Variants in BAZ2A observed in about 807,000 individuals in gnomAD.
BAZ2A encodes the protein bromodomain adjacent to zinc finger domain 2A.
In BAZ2A, 34 loss-of-function variants were observed where a neutral mutation model predicts 199.9. The ratio of observed to expected loss-of-function variants is 0.17; its 90% CI spans 0.13 to 0.23. The LOEUF (loss-of-function observed/expected upper bound fraction) is 0.23. Ranked by LOEUF, BAZ2A falls within the 10% of genes least tolerant of loss-of-function variation. BAZ2A has a pLI of 1.00. For synonymous variants in BAZ2A, 857 were observed against 883.9 expected, an observed-to-expected ratio of 0.97 and a Z score of 0.54; for missense variants, 2,002 against 2,391.1, an observed-to-expected ratio of 0.84 and a Z score of 3.39.
In BAZ2A at chr12:56,610,347, T is replaced by G. The variant is rs1400345453; in HGVS notation, c.1779+62A>C. 1.9e-6 allele frequency: 3 copies of G among 1,587,954 alleles called. No individual in the cohort carries two copies. In the African/African-American group the frequency reaches 4.0e-5, roughly 21 times the overall value. ...GTCACTGAGCCCAAGAACGGAGTCT[T>G]GGGCAGTGGAAAGGAGTCCACTGAG... On this transcript the variant is annotated intron_variant, in intron 8 of 28. Transcript: ENST00000549884.
chr12:56,634,728 G>C (rs1951404721), upstream of BAZ2A, among the ~76,000 whole-genome samples: 1 of 152,184 alleles, frequency 6.6e-6, no homozygotes, highest in South Asian at 2.1e-4. Flanking sequence ...AGGTACTCGG[G>C]AGACGATGGC....
rs1233879225 is a variant in BAZ2A at position 56,601,973 on chromosome 12, G to C, written c.3644C>G (p.Pro1215Arg). ...SPVRGQDSEQPQAQLQPEAQL... is the reference protein window; with the variant it reads ...SPVRGQDSEQRQAQLQPEAQL... Reference sequence around the variant, plus strand: ...AGCCTCAGGCTGAAGCTGGGCCTGGGGCTGTTCTGAATCCTGACCCCTGAC... The same window carrying C: ...AGCCTCAGGCTGAAGCTGGGCCTGGCGCTGTTCTGAATCCTGACCCCTGAC... Residue 1215 changes from proline to arginine, a missense_variant, in exon 20 of 29, where the codon CCC becomes CGC. Physicochemically the swap from Pro to Arg is moderately radical, Grantham distance 103. Around this residue, in one of 6 missense-constraint regions of BAZ2A, gnomAD observed 1,081 missense variants for 1,274.7 expected, o/e 0.85. Transcript: ENST00000549884. 1.3e-6 allele frequency: 2 copies of C among 1,559,470 alleles called. No homozygotes were observed. The highest frequency in any genetic ancestry group is 3.9e-5 in the Admixed American group (2 of 51,262).
intron 19 of BAZ2A, 136 bp from the exon 20 acceptor site, chr12:56,602,328 T>G: frequency 1.3e-6 from 1 of 774,224 alleles, no homozygotes. Context: ...TGGGAAGAGC[T>G]TATATGCCAA....
intron 13 of BAZ2A, 180 bp from the exon 14 acceptor site, chr12:56,605,507 G>C (rs185474759): frequency 6.9e-5 from 48 of 699,772 alleles, no homozygotes; most frequent in African/African-American, 1.1e-4. Context: ...CTGCAGCCTC[G>C]ACCTCCTAAG....
chr12:56,623,181 A>G (rs1950976591), intron 1 of BAZ2A, among the ~76,000 whole-genome samples: 1 of 151,826 alleles, frequency 6.6e-6, no homozygotes. Context: ...GGTTGCAGTG[A>G]GCCGAGATCG....
upstream of BAZ2A, chr12:56,638,263 A>C: frequency 1.1e-5 from 16 of 1,442,794 alleles, no homozygotes; most frequent in South Asian, 1.6e-4. Context: ...GCCTACACAG[A>C]AAAATGAAGC....
Position 56,601,085 on chromosome 12 carries a change from G to A in BAZ2A, c.4308C>T (p.Gly1436=), listed in dbSNP as rs1886422255. 6.2e-7 allele frequency: 1 copy of A among 1,613,040 alleles called. No homozygotes were observed. Among genetic ancestry groups the A allele is most frequent in the African/African-American group, 1.3e-5 (1 of 74,906 alleles). The change falls in exon 22 of 29, where the codon GGC becomes GGT. Residue 1436 remains glycine (G), a synonymous_variant. Transcript: ENST00000549884. ...AQPVPPEMCS[G]WWWIRDPEML... is the part of the protein sequence containing the mutation. ...TCTCAGGATCTCGTATCCACCACCA[G>A]CCTGAGCACATCTCTGTGAGCAGAT...
At chr12:56,615,743 T>A in intron 2 of BAZ2A, 136 bp from the exon 3 acceptor site, 1 of 765,638 alleles carries the variant, frequency 1.3e-6, no homozygotes. Flanking sequence ...CTATATTTAG[T>A]TTTTGGGTCT....
chr12:56,598,536 C>T lies in BAZ2A; in HGVS notation c.*82G>A. 1 of 1,509,990 alleles carries T rather than the reference C, an allele frequency of 6.6e-7. No individual in the cohort carries two copies. Among genetic ancestry groups the T allele is most frequent in the Non-Finnish European group, 8.9e-7 (1 of 1,124,790 alleles). 93.5% of individuals were successfully genotyped at this position (1,509,990 alleles called of 1,614,324 possible). A position where few individuals can be genotyped will look rare whatever the true frequency, so the allele number is the denominator to read the frequency against. On this transcript the variant is annotated 3_prime_UTR_variant, in exon 29 of 29. Coordinates refer to ENST00000549884, the MANE Select transcript of BAZ2A (RefSeq NM_001300905.2). ...ATCTGACTTGAGTCTGGACCCAGGG[C>T]AGCATCAGCAGGTGAAAATGGCAGG...
chr12:56,618,178 A>G (rs534240562), intron 1 of BAZ2A, among the ~76,000 whole-genome samples: 1 of 152,312 alleles, frequency 6.6e-6, no homozygotes, highest in Non-Finnish European at 1.5e-5. Context: ...CTCCCCAAGA[A>G]CACAGGTCAG....
At chr12:56,608,552 G>C (rs1950444608) in intron 10 of BAZ2A, among the ~76,000 whole-genome samples, 1 of 151,768 alleles carries the variant, frequency 6.6e-6, no homozygotes, top group South Asian at 2.1e-4. Flanking sequence ...CTAAAACAGT[G>C]CCTATTATTA....
At chr12:56,627,609 G>C (rs1245985380) in intron 1 of BAZ2A, among the ~76,000 whole-genome samples, 1 of 151,922 alleles carries the variant, frequency 6.6e-6, no homozygotes, top group Admixed American at 6.6e-5. Context: ...CAGGTCACTT[G>C]AGCCCAGGAG....
At chr12:56,625,154 C>CT (rs1002458672) in intron 1 of BAZ2A, among the ~76,000 whole-genome samples, 5,494 of 108,088 alleles carry the variant, frequency 0.051, 193 homozygotes, top group Non-Finnish European at 0.062. Context: ...CTTAGAATTT[C>CT]TTTTTTTTTT....
At chr12:56,608,100 G>A (rs1439324237) in intron 10 of BAZ2A, among the ~76,000 whole-genome samples, 6 of 150,416 alleles carry the variant, frequency 4.0e-5, no homozygotes, top group Non-Finnish European at 7.4e-5. Flanking sequence ...AGGGCCAGGC[G>A]TGGGGGCTAC....
chr12:56,613,071 G>C lies in BAZ2A; in HGVS notation c.1079C>G (p.Thr360Ser). ...AGAGGTGGGACTGGCAAAGATAGAG[G>C]TTGATGTTTGACTATCATCTGCCAG... is the stretch of plus-strand genomic sequence containing the variant. ...SLLADDSQTS[T>S]SIFASPTSPP... is the part of the protein sequence containing the mutation. Residue 360 changes from threonine (T) to serine (S), a missense_variant, in exon 5 of 29, where the codon ACC (threonine) becomes AGC (serine). Physicochemically the swap from Thr to Ser is moderately conservative, Grantham distance 58. Transcript: ENST00000549884. The C allele has an allele frequency of 6.2e-7, 1 of 1,614,000 alleles. No individual in the cohort carries two copies. Among genetic ancestry groups the C allele is most frequent in the Non-Finnish European group, 8.5e-7 (1 of 1,179,900 alleles).
In BAZ2A at chr12:56,602,044, T is replaced by C. The variant is rs1014003746; in HGVS notation, c.3573A>G (p.Arg1191=). The C allele has an allele frequency of 1.3e-6, 2 of 1,555,470 alleles. No homozygotes were observed. The highest frequency in any genetic ancestry group is 1.7e-6 in the Non-Finnish European group (2 of 1,148,990). Residue 1191 remains arginine (R), a synonymous_variant, in exon 20 of 29, where the codon CGA becomes CGG. Coordinates refer to ENST00000549884, the MANE Select transcript of BAZ2A (RefSeq NM_001300905.2). The part of the protein sequence containing the change: ...SSPARARGRP[R]KTKPGSMQPR... ...GTTGCATAGACCCGGGCTTAGTTTT[T>C]CGAGGTCGGCCTCGGGCCCGGGCAG...
intron 20 of BAZ2A, 31 bp from the exon 21 acceptor site, chr12:56,601,433 G>A (rs370344548): frequency 1.9e-6 from 3 of 1,601,382 alleles, no homozygotes; most frequent in Non-Finnish European, 2.6e-6. Flanking sequence ...AAGGAAATGA[G>A]GATGTTTTCA....
chr12:56,621,363 C>T, intron 1 of BAZ2A: 1 of 683,044 alleles, frequency 1.5e-6, no homozygotes, highest in South Asian at 6.6e-5. Context: ...TATGTGAGAT[C>T]AGTTTCTCCA....
intron 1 of BAZ2A, among the ~76,000 whole-genome samples, chr12:56,625,735 G>A (rs1376936314): frequency 6.6e-6 from 1 of 151,410 alleles, no homozygotes; most frequent in Non-Finnish European, 1.5e-5. Flanking sequence ...AATTAGCCGG[G>A]CATGGTGGCG....
Sources: gnomAD v4.1 joint callset for allele counts (sites outside exome capture counted in the v4.1 genomes callset) on GRCh38, gnomAD v4.1.1 for gene constraint, gnomAD v4.1.1 regional missense constraint, MANE v1.5 for transcripts, NCBI Gene and HGNC (gene_info 2026-07-23, HGNC 2026-07-21) for gene names.